LRRTM4: variants seen among roughly 807,000 people sequenced by gnomAD.
LRRTM4 encodes the protein leucine-rich repeat transmembrane neuronal protein 4.
In LRRTM4, 25 loss-of-function variants were observed where a neutral mutation model predicts 47.6. The ratio of observed to expected loss-of-function variants is 0.53; its 90% CI spans 0.38 to 0.73. LRRTM4 has a LOEUF of 0.73. Ranked by LOEUF, LRRTM4 falls within the 30% of genes least tolerant of loss-of-function variation. The probability of loss-of-function intolerance (pLI) is 0.00; values close to 1 mark genes in which losing one functional copy is unlikely to be tolerated. For synonymous variants in LRRTM4, 311 were observed against 269.5 expected, an observed-to-expected ratio of 1.15 and a Z score of -1.51; for missense variants, 638 against 713.4, an observed-to-expected ratio of 0.89 and a Z score of 1.20.
At chr2:77,333,018 T>G (rs977900347) in intron 3 of LRRTM4, among the ~76,000 whole-genome samples, 2 of 152,196 alleles carry the variant, frequency 1.3e-5, no homozygotes, top group East Asian at 3.9e-4. Context: ...TCTCATGATA[T>G]CTGATAGCTT....
Position 77,027,422 on chromosome 2 carries a change from T to A in LRRTM4, c.1552-278506A>T, listed in dbSNP as rs549945193. Among the ~76,000 whole-genome samples the A allele has an allele frequency of 2.6e-5, 4 of 152,280 alleles. No homozygotes were observed. The South Asian group carries it at 8.3e-4, about 32-fold the overall frequency. On this transcript the variant is annotated intron_variant, in intron 3 of 3. Transcript: ENST00000409884. ...AAATTAATTTTCAGTATGTGCATGCTTCAGTGATTAAAAGGTTTTAGAAGC... is the reference window on the plus strand; with the variant it reads ...AAATTAATTTTCAGTATGTGCATGCATCAGTGATTAAAAGGTTTTAGAAGC...
chr2:77,095,508 C>CT (rs373406392), intron 3 of LRRTM4, among the ~76,000 whole-genome samples: 54,930 of 143,858 alleles, frequency 0.38, 11,327 homozygotes, highest in East Asian at 0.69. Flanking sequence ...CATATGCAAA[C>CT]TTTTTTTTTT....
At chr2:77,481,506 A>T (rs750865556) in intron 3 of LRRTM4, among the ~76,000 whole-genome samples, 15 of 152,150 alleles carry the variant, frequency 9.9e-5, no homozygotes, top group African/African-American at 2.4e-4. Flanking sequence ...GGCTTCATAA[A>T]ATTAAATCAG....
intron 3 of LRRTM4, among the ~76,000 whole-genome samples, chr2:77,477,382 G>C (rs949220360): frequency 6.6e-6 from 1 of 152,008 alleles, no homozygotes; most frequent in African/African-American, 2.4e-5. Context: ...ATTTGTCAAG[G>C]TAAAGAGCTC....
chr2:77,044,498 TATA>T (rs1679162504), intron 3 of LRRTM4, among the ~76,000 whole-genome samples: 1 of 151,392 alleles, frequency 6.6e-6, no homozygotes, highest in African/African-American at 2.4e-5. Context: ...AAATGTTTCT[TATA>T]ATAATGTATT....
chr2:77,202,529 T>C (rs1324054363), intron 3 of LRRTM4, among the ~76,000 whole-genome samples: 4 of 152,026 alleles, frequency 2.6e-5, no homozygotes, highest in Non-Finnish European at 5.9e-5. Context: ...AGATTGCCAT[T>C]TTACATTGGA....
At chr2:77,018,644 C>A (rs1353388085) in intron 3 of LRRTM4, among the ~76,000 whole-genome samples, 1 of 152,128 alleles carries the variant, frequency 6.6e-6, no homozygotes, top group Non-Finnish European at 1.5e-5. Context: ...AAACATCATT[C>A]TTTCCTGAAG....
intron 3 of LRRTM4, among the ~76,000 whole-genome samples, chr2:77,465,665 A>T (rs1323844663): frequency 6.6e-6 from 1 of 152,138 alleles, no homozygotes; most frequent in Non-Finnish European, 1.5e-5. Context: ...TCTCCAACCC[A>T]CCTAAACTTG....
In LRRTM4 at chr2:77,519,017, C is replaced by G; in HGVS notation, c.852G>C (p.Leu284Phe). ...KCLPNLQKLN[L>F]DSNKLTNISQ... ...AGATATTGGTGAGCTTGTTGGAATC[C>G]AAATTCAATTTTTGTAAATTGGGGA... Residue 284 changes from leucine (L) to phenylalanine (F), a missense_variant, in exon 3 of 4, where the codon TTG becomes TTC. By Grantham distance (22) the Leu-to-Phe change is conservative (BLOSUM62 0). Transcript: ENST00000409884. The surrounding 1 kb of genome is among the most constrained non-coding windows in gnomAD (Gnocchi z 4.6). 6.2e-7 allele frequency: 1 copy of G among 1,611,644 alleles called. No homozygotes were observed. Among genetic ancestry groups the G allele is most frequent in the Non-Finnish European group, 8.5e-7 (1 of 1,178,760 alleles).
intron 3 of LRRTM4, among the ~76,000 whole-genome samples, chr2:76,834,546 C>T (rs542200401): frequency 1.3e-5 from 2 of 151,720 alleles, no homozygotes; most frequent in Admixed American, 6.6e-5. Context: ...CATTTGACAA[C>T]GTATTTATAT....
intron 3 of LRRTM4, among the ~76,000 whole-genome samples, chr2:77,259,650 C>G (rs897574813): frequency 1.3e-5 from 2 of 151,958 alleles, no homozygotes; most frequent in Non-Finnish European, 2.9e-5. Flanking sequence ...TAGGCACACC[C>G]TTTCCAAAGT....
intron 3 of LRRTM4, among the ~76,000 whole-genome samples, chr2:77,218,383 T>C (rs575137693): frequency 6.6e-6 from 1 of 152,172 alleles, no homozygotes; most frequent in South Asian, 2.1e-4. Flanking sequence ...ACTTTTTTTA[T>C]CTTTGATGCA....
In LRRTM4 at chr2:77,311,097, A is replaced by G. The variant is rs1160748687; in HGVS notation, c.1551+207221T>C. 2.0e-5 allele frequency among the ~76,000 whole-genome samples: 3 copies of G among 152,194 alleles called. No homozygotes were observed. The East Asian group carries it at 5.8e-4, about 29-fold the overall frequency. ...ATCATTTGACCTAAAATAGACTTTT[A>G]AAGTAGGAATGTGGTAATGTATTTG... is the stretch of plus-strand genomic sequence containing the variant. On this transcript the variant is annotated intron_variant, in intron 3 of 3. Transcript: ENST00000409884.
At chr2:77,263,770 G>C (rs956705504) in intron 3 of LRRTM4, among the ~76,000 whole-genome samples, 3 of 152,010 alleles carry the variant, frequency 2.0e-5, no homozygotes, top group Admixed American at 6.6e-5. Flanking sequence ...TTACTGTAAA[G>C]TTATGCTTTT....
Position 77,260,439 on chromosome 2 carries a change from C to T in LRRTM4, c.1551+257879G>A, listed in dbSNP as rs185900957. On this transcript the variant is annotated intron_variant, in intron 3 of 3. Transcript: ENST00000409884. ...TAGATAGTTGATTGGCTGCTATCAACGAACAGTTGTGATTTATAATACAGT... is the reference window on the plus strand; with the variant it reads ...TAGATAGTTGATTGGCTGCTATCAATGAACAGTTGTGATTTATAATACAGT... Among the ~76,000 whole-genome samples the T allele has an allele frequency of 6.0e-4, 89 of 148,826 alleles. 1 individual carries two copies. The East Asian group carries it at 0.014, about 23-fold the overall frequency.
chr2:77,180,090 G>T (rs1433602802), intron 3 of LRRTM4, among the ~76,000 whole-genome samples: 1 of 152,134 alleles, frequency 6.6e-6, no homozygotes, highest in Non-Finnish European at 1.5e-5. Context: ...CAATGTATAA[G>T]AAGTTAGAAT....
intron 3 of LRRTM4, among the ~76,000 whole-genome samples, chr2:76,940,854 C>T (rs187668037): frequency 6.7e-6 from 1 of 149,820 alleles, no homozygotes; most frequent in African/African-American, 2.5e-5. Flanking sequence ...AAAAATCACT[C>T]TCTCAGGATT....
intron 3 of LRRTM4, among the ~76,000 whole-genome samples, chr2:77,066,566 C>T (rs1219399695): frequency 6.6e-6 from 1 of 152,072 alleles, no homozygotes; most frequent in Non-Finnish European, 1.5e-5. Flanking sequence ...AACAGTTTCC[C>T]TTTATTGGAG....
At chr2:77,286,054 C>T (rs1424914997) in intron 3 of LRRTM4, among the ~76,000 whole-genome samples, 1 of 151,954 alleles carries the variant, frequency 6.6e-6, no homozygotes, top group Non-Finnish European at 1.5e-5. Context: ...TGAATATGGC[C>T]ACTGAAATTA....
Sources: allele counts gnomAD v4.1 joint callset (sites outside exome capture counted in the v4.1 genomes callset), GRCh38; gene constraint gnomAD v4.1.1; non-coding constraint Gnocchi (gnomAD v3.1); transcripts MANE v1.5; gene names NCBI Gene and HGNC (gene_info 2026-07-23, HGNC 2026-07-21).